MED12L: variants seen among roughly 807,000 people sequenced by gnomAD.
MED12L encodes the protein mediator complex subunit 12L.
MED12L carries 60 observed loss-of-function variants against 281.3 expected under a neutral mutation model. The ratio of observed to expected loss-of-function variants is 0.21; its 90% CI spans 0.17 to 0.26. The LOEUF is 0.26. Ranked by LOEUF, MED12L falls within the 10% of genes least tolerant of loss-of-function variation. MED12L has a pLI of 1.00. For missense variants in MED12L, 2,146 were observed against 2,680.9 expected, an observed-to-expected ratio of 0.80 and a Z score of 4.41; for synonymous variants, 974 against 987.2, an observed-to-expected ratio of 0.99 and a Z score of 0.25.
intron 16 of MED12L, among the ~76,000 whole-genome samples, chr3:151,302,999 C>T (rs1351468035): frequency 2.0e-5 from 3 of 152,068 alleles, no homozygotes; most frequent in Non-Finnish European, 4.4e-5. Context: ...CTATGATGCC[C>T]AGGTTGTGGC....
intron 5 of MED12L, among the ~76,000 whole-genome samples, chr3:151,153,502 CT>C (rs1383769442): frequency 6.6e-6 from 1 of 151,798 alleles, no homozygotes; most frequent in African/African-American, 2.4e-5. Context: ...TTTTCTACCC[CT>C]GAACATTCCC....
intron 16 of MED12L, among the ~76,000 whole-genome samples, chr3:151,297,601 T>C (rs942126444): frequency 3.3e-5 from 5 of 152,210 alleles, no homozygotes; most frequent in African/African-American, 1.2e-4. Flanking sequence ...AGCTACAGCA[T>C]ACTTGGCAGG....
intron 11 of MED12L, among the ~76,000 whole-genome samples, chr3:151,173,983 AATT>A (rs1721744074): frequency 6.6e-6 from 1 of 152,226 alleles, no homozygotes; most frequent in African/African-American, 2.4e-5. Context: ...ATAATATTTT[AATT>A]ATAGCTTGAA....
At chr3:151,213,363 A>G (rs1252732953) in intron 16 of MED12L, 1 of 1,613,844 alleles carries the variant, frequency 6.2e-7, no homozygotes, top group Non-Finnish European at 8.5e-7. Flanking sequence ...TGTCTAGGTC[A>G]TTCTGAGCTT....
At chr3:151,329,456 C>T in intron 16 of MED12L, 1 of 1,477,336 alleles carries the variant, frequency 6.8e-7, no homozygotes, top group African/African-American at 1.4e-5. Context: ...CAAGCACACT[C>T]ATAATAACAA....
chr3:151,291,313 A>T (rs1192997062), intron 16 of MED12L, among the ~76,000 whole-genome samples: 1 of 12,510 alleles, frequency 8.0e-5, no homozygotes, highest in African/African-American at 1.5e-4. Flanking sequence ...CTTAGGCACC[A>T]CATTCTCTTG....
At chr3:151,131,079 TA>T (rs1479815825) in intron 5 of MED12L, among the ~76,000 whole-genome samples, 3 of 152,186 alleles carry the variant, frequency 2.0e-5, no homozygotes, top group Non-Finnish European at 2.9e-5. Context: ...TGTATGTATT[TA>T]AAAAAATTTC....
chr3:151,309,551 C>A (rs1021009975), intron 16 of MED12L, among the ~76,000 whole-genome samples: 5 of 152,172 alleles, frequency 3.3e-5, no homozygotes. Flanking sequence ...TCCTGAAAAT[C>A]CCTTCTGCCT....
intron 16 of MED12L, among the ~76,000 whole-genome samples, chr3:151,203,910 CTGTT>C (rs1217574115): frequency 6.6e-6 from 1 of 152,010 alleles, no homozygotes; most frequent in East Asian, 1.9e-4. Context: ...AAGTATTTGT[CTGTT>C]TGACTCAAAC....
intron 24 of MED12L, among the ~76,000 whole-genome samples, 182 bp from the exon 25 acceptor site, chr3:151,367,966 CTA>C (rs1385753741): frequency 2.6e-5 from 4 of 152,140 alleles, no homozygotes; most frequent in East Asian, 3.9e-4. Flanking sequence ...TGGGAAACTG[CTA>C]TGTTACAGTC....
At chr3:151,266,263 T>A (rs1327859287) in intron 16 of MED12L, among the ~76,000 whole-genome samples, 1 of 152,210 alleles carries the variant, frequency 6.6e-6, no homozygotes, top group Non-Finnish European at 1.5e-5. Flanking sequence ...ATTCAACATC[T>A]TCTATTAAAA....
Position 151,137,117 on chromosome 3 carries a change from G to A in MED12L, c.556+9133G>A, listed in dbSNP as rs1350197259. ...GCGGAGGTTGTAGTGAGCTGAGATC[G>A]CACCACTGCACTCCAGCCTGGTAAC... is the stretch of plus-strand genomic sequence containing the variant. On this transcript the variant is annotated intron_variant, in intron 5 of 44. Transcript: ENST00000687756. 6.3e-5 allele frequency among the ~76,000 whole-genome samples: 9 copies of A among 142,826 alleles called. No individual in the cohort carries two copies. In the East Asian group the frequency reaches 1.4e-3, roughly 23 times the overall value. 93.7% of individuals were successfully genotyped at this position (142,826 alleles called of 152,430 possible).
intron 16 of MED12L, among the ~76,000 whole-genome samples, chr3:151,317,466 T>TTTTTTTTG (rs1560020922): frequency 7.6e-6 from 1 of 131,548 alleles, no homozygotes; most frequent in Non-Finnish European, 1.5e-5. Flanking sequence ...TTTTTTTTTT[T>TTTTTTTTG]GTGAGACGGA....
chr3:151,119,111 G>T (rs1486942737), intron 3 of MED12L, among the ~76,000 whole-genome samples: 3 of 152,186 alleles, frequency 2.0e-5, no homozygotes, highest in African/African-American at 7.2e-5. Flanking sequence ...AACATTCGAT[G>T]ATGTATGTGC....
intron 21 of MED12L, among the ~76,000 whole-genome samples, chr3:151,361,193 A>G (rs1343095787): frequency 2.0e-5 from 3 of 152,252 alleles, no homozygotes; most frequent in East Asian, 1.9e-4. Context: ...CTATAGCCCC[A>G]TTCACTTTTC....
intron 16 of MED12L, among the ~76,000 whole-genome samples, chr3:151,321,740 A>G (rs1749022822): frequency 6.6e-6 from 1 of 152,148 alleles, no homozygotes; most frequent in Non-Finnish European, 1.5e-5. Context: ...TTTTTAAAGA[A>G]CTAGTTTACT....
intron 5 of MED12L, among the ~76,000 whole-genome samples, chr3:151,135,334 A>G (rs959483105): frequency 3.3e-5 from 5 of 152,190 alleles, no homozygotes; most frequent in African/African-American, 9.7e-5. Context: ...ACTTTTTAAG[A>G]ATGAAATGAA....
intron 44 of MED12L, among the ~76,000 whole-genome samples, chr3:151,431,702 G>C (rs533369024): frequency 6.6e-6 from 1 of 152,216 alleles, no homozygotes; most frequent in South Asian, 2.1e-4. Flanking sequence ...TTTTTATAAA[G>C]TGGCATCTGT....
rs59746155 is a variant in MED12L, at chr3:151,293,678, C to CACACACA, written c.2251-56381_2251-56380insACACACA. Among the ~76,000 whole-genome samples, 6 of 133,832 alleles carry CACACACA rather than the reference C, an allele frequency of 4.5e-5. No individual in the cohort carries two copies. The East Asian group carries it at 6.2e-4, about 14-fold the overall frequency. The allele number at this position is 133,832 out of a possible 152,430, so 87.8% of individuals were successfully genotyped here. ...ACACACACACACACACACACACACACCCTCTACCTTCATTTCTATAGTGTT... is the reference window on the plus strand; with the variant it reads ...ACACACACACACACACACACACACACACACACACCTCTACCTTCATTTCTATAGTGTT... On this transcript the variant is annotated intron_variant, in intron 16 of 44. Coordinates refer to ENST00000687756, the MANE Select transcript of MED12L (RefSeq NM_001393769.1).
Sources: gnomAD v4.1 joint callset for allele counts (sites outside exome capture counted in the v4.1 genomes callset) on GRCh38, gnomAD v4.1.1 for gene constraint, MANE v1.5 for transcripts, NCBI Gene and HGNC (gene_info 2026-07-23, HGNC 2026-07-21) for gene names.